The following SLIT1 variants were observed in gnomAD, a reference collection of about 807,000 sequenced individuals.
The protein encoded by SLIT1 is slit homolog 1 protein.
Under a neutral mutation model 186.1 loss-of-function variants are expected in SLIT1, and 66 were observed. That is an observed-to-expected ratio of 0.35 (90% CI 0.29 to 0.44). The LOEUF is 0.44. Ranked by LOEUF, SLIT1 falls within the 20% of genes least tolerant of loss-of-function variation. The pLI is 1.00. For missense variants in SLIT1, 1,638 were observed against 2,037.4 expected (o/e 0.80, Z 3.77); for synonymous variants, 761 against 833.8 (o/e 0.91, Z 1.50).
At chr10:97,103,090 T>C (rs946216349) in intron 4 of SLIT1, 12 of 152,306 alleles carry the variant, frequency 7.9e-5, no homozygotes, top group Non-Finnish European at 1.5e-4. Flanking sequence ...GAAGAACTGA[T>C]GAGCAGCTTC....
At chr10:97,117,518 A>C (rs1849520193) in intron 4 of SLIT1, among the ~76,000 whole-genome samples, 1 of 152,194 alleles carries the variant, frequency 6.6e-6, no homozygotes, top group East Asian at 1.9e-4. Context: ...ATAAATCCAC[A>C]AGGGTGTGGA....
In SLIT1 at chr10:97,157,820, T is replaced by C. The variant is rs773203470; in HGVS notation, c.411A>G (p.Arg137=). 2 of 1,612,718 alleles carry C rather than the reference T, an allele frequency of 1.2e-6. No homozygotes were observed. Among genetic ancestry groups the C allele is most frequent in the Non-Finnish European group, 1.7e-6 (2 of 1,178,752 alleles). ...LLFQNNQALS[R]LDLSENAIQA... is the part of the protein sequence containing the mutation. ...TCTGGCCACAGAGCGTCACTCACAG[T>C]CTTGACAAAGCCTGGTTGTTCTGGA... The change falls in exon 4 of 37, where the codon AGA becomes AGG. Residue 137 remains arginine (R), a splice_region_variant and synonymous_variant. Coordinates refer to ENST00000266058, the MANE Select transcript of SLIT1 (RefSeq NM_003061.3).
At position 97,006,610 on chromosome 10, in the gene SLIT1, C is replaced by T; in HGVS notation, c.3452G>A (p.Cys1151Tyr). The T allele has an allele frequency of 1.2e-6, 2 of 1,614,234 alleles. No individual in the cohort carries two copies. Among genetic ancestry groups the T allele is most frequent in the Non-Finnish European group, 1.7e-6 (2 of 1,180,002 alleles). Residue 1151 changes from cysteine (C) to tyrosine (Y), a missense_variant, in exon 32 of 37, where the codon TGC becomes TAC. Cys to Tyr is a radical substitution (Grantham distance 194). Coordinates refer to ENST00000266058, the MANE Select transcript of SLIT1 (RefSeq NM_003061.3). The surrounding 1 kb of genome is among the most constrained non-coding windows in gnomAD (Gnocchi z 4.0). ...GCCACCGAAGCCTGGGAGGCACTGGCACACAGGCCTGTTGCCCTGGTCCAC... is the reference window on the plus strand; with the variant it reads ...GCCACCGAAGCCTGGGAGGCACTGGTACACAGGCCTGTTGCCCTGGTCCAC... The part of the protein sequence containing the change: ...NCVDQGNRPV[C>Y]QCLPGFGGPE...
intron 4 of SLIT1, among the ~76,000 whole-genome samples, chr10:97,114,163 A>G (rs1849489962): frequency 6.6e-6 from 1 of 152,168 alleles, no homozygotes; most frequent in Non-Finnish European, 1.5e-5. Flanking sequence ...GTAATGTTAC[A>G]AGCCAGGGGA....
At chr10:97,139,363 C>T (rs543593203) in intron 4 of SLIT1, among the ~76,000 whole-genome samples, 278 of 152,316 alleles carry the variant, frequency 1.8e-3, no homozygotes, top group Non-Finnish European at 3.5e-3. Flanking sequence ...TCCCCTCAAA[C>T]GGAGCATCCC....
At chr10:97,151,049 C>G (rs1329099245) in intron 4 of SLIT1, among the ~76,000 whole-genome samples, 2 of 152,108 alleles carry the variant, frequency 1.3e-5, no homozygotes, top group Admixed American at 6.5e-5. Flanking sequence ...CTGCCCCCAC[C>G]CACTCCAATC....
chr10:97,185,388 TG>T, intron 1 of SLIT1, 89 bp downstream of exon 1: 1 of 1,319,616 alleles, frequency 7.6e-7, no homozygotes, highest in Non-Finnish European at 1.0e-6. Flanking sequence ...CGGGCCCCAA[TG>T]GTCCTGCCCC....
chr10:97,010,787 G>A lies in SLIT1; in HGVS notation c.3341+206C>T, dbSNP rs1589361931. Among the ~76,000 whole-genome samples, 1 of 152,184 alleles carries A rather than the reference G, an allele frequency of 6.6e-6. No homozygotes were observed. The highest frequency in any genetic ancestry group is 2.4e-5 in the African/African-American group (1 of 41,432). Reference sequence around the variant, plus strand: ...CTCATGCCCTCCACCAAACAGGTTAGGGGTCCTCTGCCTAGGCCCTGGGCA... The same window carrying A: ...CTCATGCCCTCCACCAAACAGGTTAAGGGTCCTCTGCCTAGGCCCTGGGCA... On this transcript the variant is annotated intron_variant, in intron 31 of 36. Transcript: ENST00000266058. This position sits in a 1 kb window ranked among gnomAD's most constrained non-coding sequence, Gnocchi z 4.8.
intron 2 of SLIT1, 61 bp downstream of exon 2, chr10:97,164,758 C>A: frequency 7.8e-6 from 10 of 1,285,562 alleles, no homozygotes; most frequent in Non-Finnish European, 1.1e-5. Context: ...CAGCCAGGGC[C>A]CTGCCCAGGA....
intron 1 of SLIT1, among the ~76,000 whole-genome samples, chr10:97,171,878 C>T (rs1850194110): frequency 1.3e-5 from 2 of 151,998 alleles, no homozygotes; most frequent in African/African-American, 4.8e-5. Flanking sequence ...TGCTCTGTGT[C>T]CACCAACCCA....
chr10:97,046,555 G>A, intron 18 of SLIT1, 99 bp downstream of exon 18: 1 of 1,252,006 alleles, frequency 8.0e-7, no homozygotes, highest in Non-Finnish European at 1.1e-6. Flanking sequence ...TGCAAGCTGG[G>A]CCCAGGGGAG....
Position 97,043,316 on chromosome 10 carries a change from G to T in SLIT1, c.1997+54C>A. On this transcript the variant is annotated intron_variant, in intron 19 of 36. Coordinates refer to ENST00000266058, the MANE Select transcript of SLIT1 (RefSeq NM_003061.3). The surrounding 1 kb of genome is among the most constrained non-coding windows in gnomAD (Gnocchi z 7.0). ...TCTTTCAAAGTGGCTGGCCGAGACG[G>T]TTGGGACGGTTGCTCCAGAGCCCCC... 1 of 1,607,748 alleles carries T rather than the reference G, an allele frequency of 6.2e-7. No individual in the cohort carries two copies. The highest frequency in any genetic ancestry group is 1.7e-5 in the Admixed American group (1 of 59,942).
intron 4 of SLIT1, among the ~76,000 whole-genome samples, chr10:97,087,438 T>C (rs555015689): frequency 6.6e-6 from 1 of 152,228 alleles, no homozygotes; most frequent in African/African-American, 2.4e-5. Context: ...ATTTGTCACA[T>C]TGCATGTCTG....
At chr10:97,087,244 A>G (rs1050464344) in intron 4 of SLIT1, among the ~76,000 whole-genome samples, 1 of 152,012 alleles carries the variant, frequency 6.6e-6, no homozygotes, top group Non-Finnish European at 1.5e-5. Flanking sequence ...CAAATGACAA[A>G]GGTCCCTGAA....
chr10:97,031,326 T>C lies in SLIT1; in HGVS notation c.2510+280A>G, dbSNP rs114391189. Among the ~76,000 whole-genome samples the C allele has an allele frequency of 7.3e-3, 1,119 of 152,274 alleles. 16 individuals are homozygous for C. The highest frequency in any genetic ancestry group is 0.026 in the African/African-American group (1,073 of 41,542). On this transcript the variant is annotated intron_variant, in intron 24 of 36. Coordinates refer to ENST00000266058, the MANE Select transcript of SLIT1 (RefSeq NM_003061.3). ...ACATTCTTTAATCTGAACAGAAGTC[T>C]CACATGCAAATGAAGGGCCACCTTA... is the stretch of plus-strand genomic sequence containing the variant.
At position 97,057,605 on chromosome 10, in the gene SLIT1, T is replaced by C. The variant is rs999283797; in HGVS notation, c.1086-324A>G. ...AGGGGCACTTCCTGGGAAATTCATCTGGTCCAGAATCCAAAAGGAGATTGT... is the reference window on the plus strand; with the variant it reads ...AGGGGCACTTCCTGGGAAATTCATCCGGTCCAGAATCCAAAAGGAGATTGT... On this transcript the variant is annotated intron_variant, in intron 11 of 36. Transcript: ENST00000266058. The C allele has an allele frequency of 1.9e-5, 7 of 363,948 alleles. No homozygotes were observed. In the Admixed American group the frequency reaches 3.0e-4, roughly 16 times the overall value. The allele number at this position is 363,948 out of a possible 1,614,324, so 22.5% of individuals were successfully genotyped here.
intron 4 of SLIT1, chr10:97,157,459 C>A: frequency 3.7e-6 from 1 of 269,100 alleles, no homozygotes; most frequent in Non-Finnish European, 7.0e-6. Flanking sequence ...ATATTCAGCT[C>A]CAGGCAGGTT....
Position 97,141,687 on chromosome 10 carries a change from G to A in SLIT1, c.413+16131C>T, listed in dbSNP as rs111967065. ...GCATTGCATTGTATCGTATTGTATC[G>A]TATCGTATCGTATCGTATTGTATTG... On this transcript the variant is annotated intron_variant, in intron 4 of 36. Coordinates refer to ENST00000266058, the MANE Select transcript of SLIT1 (RefSeq NM_003061.3). 4.4e-3 allele frequency among the ~76,000 whole-genome samples: 440 copies of A among 100,364 alleles called. 3 individuals carry two copies. The highest frequency in any genetic ancestry group is 0.025 in the African/African-American group (426 of 16,890). The allele number at this position is 100,364 out of a possible 152,430, so 65.8% of individuals were successfully genotyped here.
intron 4 of SLIT1, chr10:97,157,393 G>A (rs563905363): frequency 3.5e-5 from 6 of 173,814 alleles, no homozygotes; most frequent in East Asian, 3.2e-4. Flanking sequence ...GGCCCTAAAC[G>A]GTAGAAAGAG....
Sources: gnomAD v4.1 joint callset for allele counts (sites outside exome capture counted in the v4.1 genomes callset) on GRCh38, gnomAD v4.1.1 for gene constraint, Gnocchi (gnomAD v3.1) non-coding constraint, MANE v1.5 for transcripts, NCBI Gene and HGNC (gene_info 2026-07-23, HGNC 2026-07-21) for gene names.